FAM184B: variants seen among roughly 807,000 people sequenced by gnomAD.
FAM184B encodes the protein family with sequence similarity 184 member B.
A neutral mutation model predicts 135.9 loss-of-function variants in FAM184B; 111 were observed. That is an observed-to-expected ratio of 0.82 (90% CI 0.70 to 0.96). The LOEUF (loss-of-function observed/expected upper bound fraction) is 0.96, where lower values mean the gene tolerates loss of function less well. Among genes scored for constraint, FAM184B ranks in the 40% least tolerant of loss-of-function variants. The probability of loss-of-function intolerance (pLI) is 0.00; values close to 1 mark genes in which losing one functional copy is unlikely to be tolerated. For missense variants in FAM184B, 1,375 were observed against 1,323.9 expected (o/e 1.04, Z -0.60); for synonymous variants, 552 against 524.8 (o/e 1.05, Z -0.71).
At chr4:17,721,114 G>T (rs1374191181) in intron 1 of FAM184B, among the ~76,000 whole-genome samples, 1 of 151,530 alleles carries the variant, frequency 6.6e-6, no homozygotes, top group Non-Finnish European at 1.5e-5. Context: ...GCTGGGCGCG[G>T]TGGCTTACGC....
At chr4:17,637,191 G>A (rs1193025672) in intron 14 of FAM184B, among the ~76,000 whole-genome samples, 2 of 152,148 alleles carry the variant, frequency 1.3e-5, no homozygotes, top group South Asian at 2.1e-4. Context: ...ACCGTGCCAG[G>A]GAAATTTTTG....
chr4:17,685,282 G>A (rs1716553434), intron 7 of FAM184B, among the ~76,000 whole-genome samples: 1 of 149,752 alleles, frequency 6.7e-6, no homozygotes, highest in Admixed American at 6.9e-5. Flanking sequence ...TGGGCAGGTT[G>A]GCTCACACCT....
intron 11 of FAM184B, among the ~76,000 whole-genome samples, chr4:17,650,024 A>G (rs1433251593): frequency 6.6e-6 from 1 of 150,508 alleles, no homozygotes; most frequent in African/African-American, 2.5e-5. Flanking sequence ...CTGTGTGTCC[A>G]CCCATTTGTC....
At chr4:17,676,413 T>G (rs1716310078) in intron 7 of FAM184B, among the ~76,000 whole-genome samples, 1 of 152,208 alleles carries the variant, frequency 6.6e-6, no homozygotes, top group Non-Finnish European at 1.5e-5. Context: ...TTATCAGATA[T>G]AATAAGAATA....
rs571829308 is a variant in FAM184B at position 17,682,183 on chromosome 4, C to T, written c.1596+6241G>A. 7.2e-5 allele frequency among the ~76,000 whole-genome samples: 11 copies of T among 152,240 alleles called. No homozygotes were observed. In the South Asian group the frequency reaches 1.7e-3, roughly 23 times the overall value. ...TATGAAAACTTCCACCCTTCTCCAC[C>T]GCCCGTTCAGTGTGGCCCAGGCACC... On this transcript the variant is annotated intron_variant, in intron 7 of 17. Transcript: ENST00000265018.
chr4:17,664,381 C>T (rs1715995304), intron 8 of FAM184B, among the ~76,000 whole-genome samples, 181 bp downstream of exon 8: 1 of 152,130 alleles, frequency 6.6e-6, no homozygotes, highest in South Asian at 2.1e-4. Flanking sequence ...AATTAAGTAA[C>T]ACAGTTTATG....
At chr4:17,769,245 A>G (rs1411274865) in intron 1 of FAM184B, among the ~76,000 whole-genome samples, 1 of 152,244 alleles carries the variant, frequency 6.6e-6, no homozygotes, top group Non-Finnish European at 1.5e-5. Flanking sequence ...ATAGTTACAT[A>G]TAATATAACT....
chr4:17,747,821 T>A (rs1375190135), intron 1 of FAM184B, among the ~76,000 whole-genome samples: 1 of 143,352 alleles, frequency 7.0e-6, no homozygotes, highest in East Asian at 2.1e-4. Flanking sequence ...CTCGGGAGGC[T>A]GAGGCAGGAG....
chr4:17,776,264 C>T (rs1490491832), intron 1 of FAM184B, among the ~76,000 whole-genome samples: 3 of 152,108 alleles, frequency 2.0e-5, no homozygotes, highest in Admixed American at 6.5e-5. Flanking sequence ...ATTAACAAAC[C>T]TATAGGAGGA....
At position 17,780,571 on chromosome 4, in the gene FAM184B, G is replaced by A. The variant is rs190696953; in HGVS notation, c.141+588C>T. ...CTGCACGAGGTAAGGAGGTGGGCTG[G>A]CTGACTTCCCTAGGTCCTTCCTAAT... is the stretch of plus-strand genomic sequence containing the variant. On this transcript the variant is annotated intron_variant, in intron 1 of 17. Transcript: ENST00000265018. 3.3e-3 allele frequency among the ~76,000 whole-genome samples: 503 copies of A among 152,164 alleles called. 2 individuals are homozygous for A. Among genetic ancestry groups the A allele is most frequent in the African/African-American group, 0.012 (481 of 41,504 alleles).
At chr4:17,637,788 C>T (rs1312309796) in intron 14 of FAM184B, among the ~76,000 whole-genome samples, 7 of 152,216 alleles carry the variant, frequency 4.6e-5, no homozygotes, top group African/African-American at 1.7e-4. Flanking sequence ...TTGCTGCCAT[C>T]ACATCCTAAA....
At position 17,707,732 on chromosome 4, in the gene FAM184B, C is replaced by T. The variant is rs1235062517; in HGVS notation, c.947G>A (p.Gly316Asp). 21 of 1,551,756 alleles carry T rather than the reference C, an allele frequency of 1.4e-5. No homozygotes were observed. Among genetic ancestry groups the T allele is most frequent in the Non-Finnish European group, 1.7e-5 (20 of 1,147,026 alleles). ...EARQENSELK[G>D]TAKKLGEKLA... ...CTTCTCCCCAAGTTTTTTTGCAGTG[C>T]CTTTCAACTCTGAATTCTCCTGTCG... The change falls in exon 3 of 18, where the codon GGC becomes GAC. Residue 316 changes from glycine (G) to aspartate (D), a missense_variant. Coordinates refer to ENST00000265018, the MANE Select transcript of FAM184B (RefSeq NM_015688.2).
At chr4:17,774,371 GACAAACAA>G (rs113601675) in intron 1 of FAM184B, among the ~76,000 whole-genome samples, 59 of 151,978 alleles carry the variant, frequency 3.9e-4, no homozygotes, top group Middle Eastern at 6.8e-3. Flanking sequence ...CTGTCTCAAA[GACAAACAA>G]ACAAACAAAC....
intron 5 of FAM184B, among the ~76,000 whole-genome samples, chr4:17,696,459 A>G (rs1716860812): frequency 6.6e-6 from 1 of 152,196 alleles, no homozygotes; most frequent in Non-Finnish European, 1.5e-5. Context: ...AGGCAGGTAA[A>G]TGTGGAAGCA....
In FAM184B at chr4:17,632,145, G is replaced by T. The variant is rs976573468; in HGVS notation, c.*387C>A. The T allele has an allele frequency of 7.4e-6, 1 of 135,646 alleles. No homozygotes were observed. Among genetic ancestry groups the T allele is most frequent in the African/African-American group, 2.8e-5 (1 of 35,794 alleles). The allele number at this position is 135,646 out of a possible 1,614,324, so 8.4% of individuals were successfully genotyped here. ...GTTGGAATGCAGGAGTTCGAACTTG[G>T]CTCACTGCAACCTCTGCCTCCTAGG... On this transcript the variant is annotated 3_prime_UTR_variant, in exon 18 of 18. Transcript: ENST00000265018.
intron 1 of FAM184B, among the ~76,000 whole-genome samples, chr4:17,721,406 A>AAAAAAAAAAAAAAAAC (rs1560185395): frequency 3.3e-4 from 48 of 143,384 alleles, no homozygotes; most frequent in Non-Finnish European, 5.3e-4. Context: ...AAAAAAAAAA[A>AAAAAAAAAAAAAAAAC]TCTCTTTGCC....
At chr4:17,690,672 C>T (rs1414652605) in intron 6 of FAM184B, among the ~76,000 whole-genome samples, 4 of 152,164 alleles carry the variant, frequency 2.6e-5, no homozygotes, top group African/African-American at 7.2e-5. Flanking sequence ...TATGCTTAAA[C>T]TGCGTCTTGC....
At chr4:17,763,735 T>A (rs1032183952) in intron 1 of FAM184B, among the ~76,000 whole-genome samples, 4 of 152,198 alleles carry the variant, frequency 2.6e-5, no homozygotes, top group Non-Finnish European at 5.9e-5. Context: ...GTATTGTATT[T>A]AATGATAAGC....
rs1715828763 is a variant in FAM184B, at chr4:17,658,390, G to T, written c.1997C>A (p.Ala666Asp). The T allele has an allele frequency of 4.5e-6, 7 of 1,551,526 alleles. No homozygotes were observed. In the East Asian group the frequency reaches 1.7e-4, roughly 38 times the overall value. Residue 666 changes from alanine (A) to aspartate (D), a missense_variant, in exon 10 of 18, where the codon GCC becomes GAC. By Grantham distance (126) the Ala-to-Asp change is moderately radical (BLOSUM62 -2). Coordinates refer to ENST00000265018, the MANE Select transcript of FAM184B (RefSeq NM_015688.2). ...KAQLEASHQR[A>D]LRMLEKARHQ... Reference sequence around the variant, plus strand: ...TCTGGCCTTCTCCAGCATGCGCAGGGCTCTCTGGTGGGAAGCCTCGAGCTG... The same window carrying T: ...TCTGGCCTTCTCCAGCATGCGCAGGTCTCTCTGGTGGGAAGCCTCGAGCTG...
Sources: gnomAD v4.1 joint callset for allele counts (sites outside exome capture counted in the v4.1 genomes callset) on GRCh38, gnomAD v4.1.1 for gene constraint, MANE v1.5 for transcripts, NCBI Gene and HGNC (gene_info 2026-07-23, HGNC 2026-07-21) for gene names.